NBEAL1: variants seen among roughly 807,000 people sequenced by gnomAD.
NBEAL1 encodes the protein neurobeachin-like protein 1.
In NBEAL1, 273 loss-of-function variants were observed where a neutral mutation model predicts 351.3. The observed-to-expected ratio is 0.78, with a 90% CI of 0.70 to 0.86. The LOEUF (loss-of-function observed/expected upper bound fraction) is 0.86, where lower values mean the gene tolerates loss of function less well. Among genes scored for constraint, NBEAL1 ranks in the 40% least tolerant of loss-of-function variants. NBEAL1 has a pLI of 0.00. For missense variants in NBEAL1, 2,961 were observed against 3,201.3 expected (o/e 0.92, Z 1.81); for synonymous variants, 1,050 against 1,086.4 (o/e 0.97, Z 0.66).
chr2:203,051,764 T>G (rs72934505), intron 4 of NBEAL1, among the ~76,000 whole-genome samples: 14,020 of 152,214 alleles, frequency 0.092, 765 homozygotes, highest in Non-Finnish European at 0.12. Context: ...AAAAATTTTT[T>G]GGGTAGTAGA....
At chr2:203,200,207 G>T (rs567376002) in intron 49 of NBEAL1, among the ~76,000 whole-genome samples, 1 of 152,100 alleles carries the variant, frequency 6.6e-6, no homozygotes, top group Non-Finnish European at 1.5e-5. Context: ...GCAAAACCCC[G>T]TCTCTACTAA....
chr2:203,108,981 A>G (rs2062502182), intron 14 of NBEAL1, among the ~76,000 whole-genome samples: 1 of 152,308 alleles, frequency 6.6e-6, no homozygotes. Context: ...AGTTGAAGCT[A>G]CAGTGAGCTG....
At chr2:203,126,954 T>C (rs1026082368) in intron 23 of NBEAL1, 28 bp downstream of exon 23, 2 of 1,429,996 alleles carry the variant, frequency 1.4e-6, no homozygotes, top group African/African-American at 2.8e-5. Flanking sequence ...TTTCTCAGTT[T>C]GATATATTAT....
chr2:203,183,064 G>T, intron 43 of NBEAL1: 1 of 317,430 alleles, frequency 3.2e-6, no homozygotes, highest in Non-Finnish European at 5.7e-6. Flanking sequence ...CACTTTTTTT[G>T]CTTAACAACT....
chr2:203,160,187 C>A (rs1379548650), intron 36 of NBEAL1, among the ~76,000 whole-genome samples: 5 of 150,716 alleles, frequency 3.3e-5, no homozygotes, highest in Non-Finnish European at 7.4e-5. Context: ...TCAAGCAATT[C>A]TCCTGCCTTA....
intron 49 of NBEAL1, 132 bp from the exon 50 acceptor site, chr2:203,201,411 A>G (rs986667633): frequency 1.1e-5 from 7 of 624,504 alleles, no homozygotes; most frequent in Non-Finnish European, 1.7e-5. Context: ...TCTATCGTTT[A>G]TTAATAGACA....
At chr2:203,189,079 A>G (rs1259753588) in intron 45 of NBEAL1, among the ~76,000 whole-genome samples, 2 of 152,232 alleles carry the variant, frequency 1.3e-5, no homozygotes, top group Non-Finnish European at 2.9e-5. Flanking sequence ...CTTTTAGTAA[A>G]TGAGCATATT....
chr2:203,070,682 A>G (rs1036786038), intron 7 of NBEAL1, among the ~76,000 whole-genome samples: 1 of 152,214 alleles, frequency 6.6e-6, no homozygotes, highest in Non-Finnish European at 1.5e-5. Flanking sequence ...TACTTACTGC[A>G]GAAGGCAAAG....
At chr2:203,206,831 C>G (rs1416508792) in intron 51 of NBEAL1, among the ~76,000 whole-genome samples, 2 of 150,944 alleles carry the variant, frequency 1.3e-5, no homozygotes, top group South Asian at 4.3e-4. Flanking sequence ...AGCCTCTGCC[C>G]GGCCGCCACC....
intron 8 of NBEAL1, among the ~76,000 whole-genome samples, chr2:203,079,529 CCTCT>C (rs371498282): frequency 7.8e-4 from 119 of 152,060 alleles, no homozygotes; most frequent in African/African-American, 2.4e-3. Context: ...TAATTCCCTC[CCTCT>C]GTTTCTTTCT....
chr2:203,028,182 CA>C, intron 2 of NBEAL1, among the ~76,000 whole-genome samples: 1 of 150,538 alleles, frequency 6.6e-6, no homozygotes, highest in African/African-American at 2.4e-5. Flanking sequence ...GAGCCTGGCC[CA>C]ATTTTTTTTT....
intron 8 of NBEAL1, among the ~76,000 whole-genome samples, chr2:203,081,576 TAA>T (rs1342508823): frequency 2.0e-5 from 3 of 152,232 alleles, no homozygotes; most frequent in Non-Finnish European, 4.4e-5. Flanking sequence ...TAAAACAGCT[TAA>T]GTTACTTTTC....
chr2:203,116,816 C>G (rs1029948232), intron 18 of NBEAL1, among the ~76,000 whole-genome samples: 4 of 144,938 alleles, frequency 2.8e-5, no homozygotes, highest in Non-Finnish European at 4.5e-5. Flanking sequence ...AAGGGGGGGG[C>G]CCAGCACAGT....
chr2:203,068,262 G>A (rs775378632), intron 6 of NBEAL1, 131 bp from the exon 7 acceptor site: 14 of 447,232 alleles, frequency 3.1e-5, no homozygotes, highest in East Asian at 2.7e-4. Context: ...AAGATTATGC[G>A]GATCCTAGAG....
chr2:203,157,871 G>A (rs745760876), intron 36 of NBEAL1, 46 bp downstream of exon 36: 3 of 1,392,504 alleles, frequency 2.2e-6, no homozygotes, highest in South Asian at 1.7e-5. Flanking sequence ...AAAGGGGATT[G>A]CAAAATCGTG....
intron 31 of NBEAL1, among the ~76,000 whole-genome samples, chr2:203,142,242 G>T (rs376309658): frequency 2.0e-4 from 30 of 152,094 alleles, no homozygotes; most frequent in African/African-American, 7.2e-4. Flanking sequence ...TGCAACCTCC[G>T]CCTCCTGGGT....
intron 3 of NBEAL1, among the ~76,000 whole-genome samples, chr2:203,046,912 T>C (rs2061236778): frequency 6.6e-6 from 1 of 152,184 alleles, no homozygotes; most frequent in Non-Finnish European, 1.5e-5. Context: ...CAGTGGCTTC[T>C]GCCTGTAATG....
At chr2:203,114,182 A>C (rs2062638511) in intron 17 of NBEAL1, among the ~76,000 whole-genome samples, 1 of 152,110 alleles carries the variant, frequency 6.6e-6, no homozygotes, top group Admixed American at 6.6e-5. Flanking sequence ...CGATGACTTC[A>C]TTTAATCCCA....
At chr2:203,048,769 C>T (rs1332286299) in intron 3 of NBEAL1, among the ~76,000 whole-genome samples, 3 of 152,108 alleles carry the variant, frequency 2.0e-5, no homozygotes, top group Admixed American at 2.0e-4. Flanking sequence ...CTGATGTTGG[C>T]ATTTGCCCTT....
Sources: allele counts gnomAD v4.1 joint callset (sites outside exome capture counted in the v4.1 genomes callset), GRCh38; gene constraint gnomAD v4.1.1; transcripts MANE v1.5; gene names NCBI Gene and HGNC (gene_info 2026-07-23, HGNC 2026-07-21).